The following TDRP variants were observed in gnomAD, a reference collection of about 807,000 sequenced individuals.
The protein encoded by TDRP is testis development-related protein.
In TDRP, 12 loss-of-function variants were observed where a neutral mutation model predicts 10.5. That is an observed-to-expected ratio of 1.15 (90% CI 0.73 to 1.86). The LOEUF is 1.86. Ranked by LOEUF, TDRP falls within the 40% of genes most tolerant of loss-of-function variation. TDRP has a pLI of 0.00. For missense variants in TDRP, 353 were observed against 229.2 expected (o/e 1.54, Z -3.49); for synonymous variants, 139 against 95.4 (o/e 1.46, Z -2.67).
chr8:494,622 C>A, intron 1 of TDRP, 25 bp from the exon 2 acceptor site: 2 of 1,595,000 alleles, frequency 1.3e-6, no homozygotes, highest in South Asian at 2.2e-5. Flanking sequence ...AGAAAAATGT[C>A]AAATCTGATG....
Position 506,265 on chromosome 8 carries a change from T to C in TDRP, c.109-11668A>G, listed in dbSNP as rs569668785. 3.3e-5 allele frequency among the ~76,000 whole-genome samples: 5 copies of C among 152,280 alleles called. No individual in the cohort carries two copies. In the East Asian group the frequency reaches 7.7e-4, roughly 24 times the overall value. ...ATCTATTCATGAAAATTCTTAAACA[T>C]TTGGTACAAAAGATGAGCAAACAAG... is the stretch of plus-strand genomic sequence containing the variant. On this transcript the variant is annotated intron_variant, in intron 1 of 2. Coordinates refer to ENST00000324079, the MANE Select transcript of TDRP (RefSeq NM_001384899.1).
intron 1 of TDRP, among the ~76,000 whole-genome samples, chr8:530,725 C>T (rs990824597): frequency 2.0e-5 from 3 of 152,128 alleles, no homozygotes; most frequent in Non-Finnish European, 2.9e-5. Context: ...CTCAGCAGCC[C>T]CCAGACATCC....
At chr8:528,601 A>C (rs1282214531) in intron 1 of TDRP, among the ~76,000 whole-genome samples, 1 of 131,576 alleles carries the variant, frequency 7.6e-6, no homozygotes, top group Non-Finnish European at 1.7e-5. Context: ...AATAATATTA[A>C]ATAATTGTAC....
chr8:531,438 G>A (rs1041173341), intron 1 of TDRP, among the ~76,000 whole-genome samples: 5 of 152,118 alleles, frequency 3.3e-5, no homozygotes, highest in Non-Finnish European at 7.3e-5. Context: ...GCAGTCTTGC[G>A]GGAATGACTC....
chr8:517,563 A>G (rs1801791950), intron 1 of TDRP, among the ~76,000 whole-genome samples: 1 of 152,162 alleles, frequency 6.6e-6, no homozygotes, highest in Admixed American at 6.5e-5. Context: ...GCTGCCAATC[A>G]GGAAATCTTT....
At chr8:534,552 C>T (rs1042690550) in intron 1 of TDRP, among the ~76,000 whole-genome samples, 1 of 152,186 alleles carries the variant, frequency 6.6e-6, no homozygotes, top group Non-Finnish European at 1.5e-5. Context: ...CTTGGGAACA[C>T]TAGCCAGTGC....
At chr8:503,536 C>T (rs960594372) in intron 1 of TDRP, among the ~76,000 whole-genome samples, 1 of 144,568 alleles carries the variant, frequency 6.9e-6, no homozygotes, top group South Asian at 2.2e-4. Context: ...GAGCAGCACA[C>T]TGGAACCAAT....
chr8:495,087 G>A (rs1801088814), intron 1 of TDRP: 3 of 156,452 alleles, frequency 1.9e-5, no homozygotes, highest in South Asian at 1.9e-4. Flanking sequence ...CAAAAACTTA[G>A]CCAGGTATGG....
chr8:508,847 G>T (rs556240561), intron 1 of TDRP, among the ~76,000 whole-genome samples: 8 of 152,100 alleles, frequency 5.3e-5, no homozygotes, highest in Non-Finnish European at 1.0e-4. Flanking sequence ...AGTCCCTTTT[G>T]CCTATAAGCC....
rs139901426 is a variant in TDRP at position 498,408 on chromosome 8, G to C, written c.109-3811C>G. ...TTAATGACTGCCCTGCTGGGTTTCA[G>C]ACTGTAGCCCCTTGGTTTTGGCCAA... On this transcript the variant is annotated intron_variant, in intron 1 of 2. Transcript: ENST00000324079. Among the ~76,000 whole-genome samples the C allele has an allele frequency of 3.4e-4, 52 of 152,290 alleles. 1 individual carries two copies. The highest frequency in any genetic ancestry group is 6.8e-3 in the Middle Eastern group (2 of 294).
At chr8:512,884 A>G (rs1353603222) in intron 1 of TDRP, among the ~76,000 whole-genome samples, 3 of 152,062 alleles carry the variant, frequency 2.0e-5, no homozygotes, top group Non-Finnish European at 4.4e-5. Context: ...AGGTGGGAGA[A>G]TCACTTAAAC....
chr8:530,722 GC>G (rs1270041062), intron 1 of TDRP, among the ~76,000 whole-genome samples: 1 of 152,158 alleles, frequency 6.6e-6, no homozygotes, highest in African/African-American at 2.4e-5. Context: ...GTTCTCAGCA[GC>G]CCCCAGACAT....
At chr8:518,875 A>G (rs1348648940) in intron 1 of TDRP, among the ~76,000 whole-genome samples, 2 of 152,212 alleles carry the variant, frequency 1.3e-5, no homozygotes, top group East Asian at 3.8e-4. Context: ...AAAAAACTCA[A>G]TGTTTAGTCT....
At chr8:530,429 T>C (rs951856923) in intron 1 of TDRP, among the ~76,000 whole-genome samples, 2 of 152,178 alleles carry the variant, frequency 1.3e-5, no homozygotes, top group Admixed American at 1.3e-4. Context: ...CTCATTATTT[T>C]TTTGCTGGGA....
intron 1 of TDRP, among the ~76,000 whole-genome samples, chr8:503,247 A>G (rs1418784078): frequency 6.7e-6 from 1 of 150,224 alleles, no homozygotes; most frequent in East Asian, 2.0e-4. Context: ...AGCACACACC[A>G]ACATGGAATC....
At chr8:498,858 C>G (rs1443642249) in intron 1 of TDRP, among the ~76,000 whole-genome samples, 1 of 149,134 alleles carries the variant, frequency 6.7e-6, no homozygotes, top group Non-Finnish European at 1.5e-5. Context: ...AAGATCTGAT[C>G]ATTTAAAAGT....
At chr8:543,896 C>T (rs902595069) in intron 1 of TDRP, among the ~76,000 whole-genome samples, 1 of 120,252 alleles carries the variant, frequency 8.3e-6, no homozygotes, top group African/African-American at 3.3e-5. Context: ...TTTCATTGTA[C>T]ATGAAAAAGA....
chr8:544,761 C>G lies in TDRP; in HGVS notation c.-4G>C. On this transcript the variant is annotated 5_prime_UTR_variant, in exon 1 of 3. Transcript: ENST00000324079. ...GGCCCCGGCCCAGCTTCCACATGGT[C>G]AGGCGGGCTCCGGCGTCCCTCCGTC... 8.1e-7 allele frequency: 1 copy of G among 1,235,346 alleles called. No individual in the cohort carries two copies. Among genetic ancestry groups the G allele is most frequent in the Non-Finnish European group, 1.0e-6 (1 of 987,714 alleles). The allele number at this position is 1,235,346 out of a possible 1,614,324, so 76.5% of individuals were successfully genotyped here.
chr8:501,161 G>A lies in TDRP; in HGVS notation c.109-6564C>T, dbSNP rs888407717. ...GTGGAGCTTGCAGTGAGCTGAGATC[G>A]CGCCACTGCACTCCAGCCTGGGCGA... On this transcript the variant is annotated intron_variant, in intron 1 of 2. Transcript: ENST00000324079. Among the ~76,000 whole-genome samples the A allele has an allele frequency of 2.2e-4, 34 of 151,662 alleles. No individual in the cohort carries two copies. The Middle Eastern group carries it at 0.01, about 46-fold the overall frequency.
Sources: allele counts gnomAD v4.1 joint callset (sites outside exome capture counted in the v4.1 genomes callset), GRCh38; gene constraint gnomAD v4.1.1; transcripts MANE v1.5; gene names NCBI Gene and HGNC (gene_info 2026-07-23, HGNC 2026-07-21).